Variants in CCDC88C observed in about 807,000 individuals in gnomAD.
CCDC88C encodes coiled-coil and HOOK domain protein 88C, also known as protein Daple.
Under a neutral mutation model 198.8 loss-of-function variants are expected in CCDC88C, and 131 were observed. The ratio of observed to expected loss-of-function variants is 0.66; its 90% CI spans 0.57 to 0.76. The LOEUF (loss-of-function observed/expected upper bound fraction) is 0.76, where lower values mean the gene tolerates loss of function less well. CCDC88C is among the 30% of genes least tolerant of loss of function. CCDC88C has a pLI of 0.00. For synonymous variants in CCDC88C, 1,166 were observed against 1,114.7 expected (o/e 1.05, Z -0.92); for missense variants, 2,553 against 2,631.6 (o/e 0.97, Z 0.65).
intron 22 of CCDC88C, among the ~76,000 whole-genome samples, chr14:91,294,615 G>A (rs1890918661): frequency 6.6e-6 from 1 of 152,228 alleles, no homozygotes; most frequent in Non-Finnish European, 1.5e-5. Context: ...TGAAGGCTTA[G>A]TACAAATAAA....
At chr14:91,345,443 G>T (rs1005147780) in intron 4 of CCDC88C, among the ~76,000 whole-genome samples, 6 of 150,810 alleles carry the variant, frequency 4.0e-5, no homozygotes, top group Non-Finnish European at 7.4e-5. Context: ...TGCTCGCCTC[G>T]GCCTCCCAAA....
intron 10 of CCDC88C, among the ~76,000 whole-genome samples, chr14:91,333,399 C>T (rs1330327742): frequency 6.6e-6 from 1 of 152,178 alleles, no homozygotes; most frequent in Non-Finnish European, 1.5e-5. Flanking sequence ...GGCAGGATTA[C>T]ATTTTTTCCT....
At chr14:91,345,755 T>A (rs921739630) in intron 4 of CCDC88C, among the ~76,000 whole-genome samples, 1 of 152,096 alleles carries the variant, frequency 6.6e-6, no homozygotes, top group African/African-American at 2.4e-5. Context: ...GCTGAATGCA[T>A]CTTCACCTGT....
In CCDC88C at chr14:91,313,205, C is replaced by T. The variant is rs752834239; in HGVS notation, c.2611G>A (p.Ala871Thr). 2.0e-5 allele frequency: 32 copies of T among 1,613,766 alleles called. No individual in the cohort carries two copies. In the Admixed American group the frequency reaches 2.0e-4, roughly 10 times the overall value. The part of the protein sequence containing the change: ...KLSAVEKESR[A>T]LDKELARCRD... The stretch of plus-strand genomic sequence containing the variant: ...CAGCGGGCCAGCTCCTTGTCCAGCG[C>T]GCGGCTCTCCTTCTCAACGGCGGAC... Residue 871 changes from alanine to threonine, a missense_variant, in exon 15 of 30, where the codon GCG becomes ACG. Ala to Thr is a moderately conservative substitution (Grantham distance 58). Coordinates refer to ENST00000389857, the MANE Select transcript of CCDC88C (RefSeq NM_001080414.4). This position sits in a 1 kb window ranked among gnomAD's most constrained non-coding sequence, Gnocchi z 5.2.
chr14:91,301,957 C>T (rs1241498015), intron 20 of CCDC88C, among the ~76,000 whole-genome samples: 2 of 152,078 alleles, frequency 1.3e-5, no homozygotes, highest in Non-Finnish European at 2.9e-5. Context: ...AGGGAGAGAT[C>T]AAAGTGAAAA....
Position 91,273,716 on chromosome 14 carries a change from C to G in CCDC88C, c.5059-63G>C. 7.3e-7 allele frequency: 1 copy of G among 1,366,712 alleles called. No homozygotes were observed. Among genetic ancestry groups the G allele is most frequent in the Non-Finnish European group, 9.6e-7 (1 of 1,043,784 alleles). The allele number at this position is 1,366,712 out of a possible 1,614,324, so 84.7% of individuals were successfully genotyped here. A position where few individuals can be genotyped will look rare whatever the true frequency, so the allele number is the denominator to read the frequency against. ...GGGTTGGGTGGGTCCTTGGAGCCGC[C>G]TCCTGCGCGGGACGCCCCCGAGCAG... On this transcript the variant is annotated intron_variant, in intron 29 of 29. Transcript: ENST00000389857. The surrounding 1 kb of genome is among the most constrained non-coding windows in gnomAD (Gnocchi z 5.6).
chr14:91,303,599 T>A, intron 20 of CCDC88C, 102 bp downstream of exon 20: 6 of 935,688 alleles, frequency 6.4e-6, no homozygotes, highest in Admixed American at 4.0e-5. Flanking sequence ...GCCTCTCCCC[T>A]AGGTCCCACC....
chr14:91,291,128 T>C (rs904776281), intron 23 of CCDC88C, 44 bp from the exon 24 acceptor site: 1 of 1,138,022 alleles, frequency 8.8e-7, no homozygotes, highest in East Asian at 2.5e-5. Flanking sequence ...CAGTTTTAAA[T>C]CAAACAAGTG....
At chr14:91,279,123 C>T (rs1890093453) in intron 28 of CCDC88C, 115 bp downstream of exon 28, 2 of 828,392 alleles carry the variant, frequency 2.4e-6, no homozygotes, top group Middle Eastern at 2.7e-4. Context: ...TGGTTTCTAA[C>T]TCCTGGGCTC....
In CCDC88C at chr14:91,326,178, C is replaced by T. The variant is rs575029378; in HGVS notation, c.1051-122G>A. 188 of 819,920 alleles carry T rather than the reference C, an allele frequency of 2.3e-4. 1 individual carries two copies. The East Asian group carries it at 4.9e-3, about 21-fold the overall frequency. The allele number at this position is 819,920 out of a possible 1,614,324, so 50.8% of individuals were successfully genotyped here. A position where few individuals can be genotyped will look rare whatever the true frequency, so the allele number is the denominator to read the frequency against. ...CAAGCAAACAATCTAGAGGGAAGTC[C>T]GAGGCAGGAAGTTTTTCCTCTACTT... On this transcript the variant is annotated intron_variant, in intron 10 of 29. Transcript: ENST00000389857.
chr14:91,272,900 T>C lies in CCDC88C; in HGVS notation c.5812A>G (p.Arg1938Gly). 1 of 1,583,760 alleles carries C rather than the reference T, an allele frequency of 6.3e-7. No homozygotes were observed. The highest frequency in any genetic ancestry group is 8.6e-7 in the Non-Finnish European group (1 of 1,169,068). ...CGTGGGGGCGCCTTGGGCTTGGTCC[T>C]GGCAGCCGGGGCTGCAGCAGGTGAG... ...HFSPAAAPAA[R>G]TKPKAPPRSG... The change falls in exon 30 of 30, where the codon AGG (arginine) becomes GGG (glycine). Residue 1938 changes from arginine (R) to glycine (G), a missense_variant. Arg to Gly is a moderately radical substitution (Grantham distance 125). Around this residue, in one of 2 missense-constraint regions of CCDC88C, gnomAD observed 1,293 missense variants for 1,219.6 expected, o/e 1.06. Transcript: ENST00000389857.
At position 91,303,844 on chromosome 14, in the gene CCDC88C, G is replaced by A. The variant is rs987453838; in HGVS notation, c.3492C>T (p.Tyr1164=). The change falls in exon 20 of 30, where the codon TAC becomes TAT. Residue 1164 remains tyrosine (Y), a synonymous_variant. Coordinates refer to ENST00000389857, the MANE Select transcript of CCDC88C (RefSeq NM_001080414.4). ...QRQQEQLTAA[Y]EALLQDHEHL... Reference sequence around the variant, plus strand: ...GCTCGTGGTCCTGCAGCAGGGCCTCGTAGGCCGCTGTAAGTTGCTCCTGCT... The same window carrying A: ...GCTCGTGGTCCTGCAGCAGGGCCTCATAGGCCGCTGTAAGTTGCTCCTGCT... The A allele has an allele frequency of 5.6e-6, 9 of 1,613,048 alleles. No homozygotes were observed. Among genetic ancestry groups the A allele is most frequent in the Non-Finnish European group, 7.6e-6 (9 of 1,179,900 alleles).
intron 3 of CCDC88C, among the ~76,000 whole-genome samples, chr14:91,395,896 A>T (rs1885810556): frequency 6.6e-6 from 1 of 152,052 alleles, no homozygotes; most frequent in South Asian, 2.1e-4. Context: ...CTTTATCTGA[A>T]ATCTCTGCCT....
chr14:91,295,974 C>T (rs1890984735), intron 22 of CCDC88C, among the ~76,000 whole-genome samples: 1 of 152,210 alleles, frequency 6.6e-6, no homozygotes. Context: ...AAGAGCACTG[C>T]CTGCAAGCCA....
intron 1 of CCDC88C, 178 bp from the exon 2 acceptor site, chr14:91,417,016 C>A: frequency 1.4e-6 from 1 of 690,084 alleles, no homozygotes; most frequent in Non-Finnish European, 2.6e-6. Flanking sequence ...GTCTCCCCTC[C>A]CCGCGCGGGG....
In CCDC88C at chr14:91,339,214, C is replaced by A. The variant is rs1893195966; in HGVS notation, c.809+64G>T. 8 of 1,572,630 alleles carry A rather than the reference C, an allele frequency of 5.1e-6. No homozygotes were observed. The highest frequency in any genetic ancestry group is 2.3e-5 in the South Asian group (2 of 86,968). Reference sequence around the variant, plus strand: ...CATTGGCAGCACCACACATGTGAGTCGACACCACACCAGAAACATGTCTGC... The same window carrying A: ...CATTGGCAGCACCACACATGTGAGTAGACACCACACCAGAAACATGTCTGC... On this transcript the variant is annotated intron_variant, in intron 8 of 29. Transcript: ENST00000389857. The surrounding 1 kb of genome is among the most constrained non-coding windows in gnomAD (Gnocchi z 5.8).
chr14:91,275,425 T>C (rs1463385323), intron 29 of CCDC88C, among the ~76,000 whole-genome samples: 1 of 151,578 alleles, frequency 6.6e-6, no homozygotes, highest in Non-Finnish European at 1.5e-5. Flanking sequence ...GCCTTCCAGC[T>C]GTGGGCCCCC....
At chr14:91,358,503 G>A (rs977323138) in intron 4 of CCDC88C, among the ~76,000 whole-genome samples, 7 of 152,154 alleles carry the variant, frequency 4.6e-5, no homozygotes, top group African/African-American at 1.7e-4. Flanking sequence ...CTGTCCCTGG[G>A]GCCTGCGACT....
chr14:91,414,398 T>C (rs1212611785), intron 2 of CCDC88C, among the ~76,000 whole-genome samples: 3 of 152,216 alleles, frequency 2.0e-5, no homozygotes, highest in African/African-American at 7.2e-5. Flanking sequence ...CTATGTAGGC[T>C]GTCCGATACA....
Sources: gnomAD v4.1 joint callset for allele counts (sites outside exome capture counted in the v4.1 genomes callset) on GRCh38, gnomAD v4.1.1 for gene constraint, gnomAD v4.1.1 regional missense constraint, Gnocchi (gnomAD v3.1) non-coding constraint, MANE v1.5 for transcripts, NCBI Gene and HGNC (gene_info 2026-07-23, HGNC 2026-07-21) for gene names.